Variants in NRXN1 observed in about 807,000 individuals in gnomAD.
The protein encoded by NRXN1 is neurexin 1.
NRXN1 carries 39 observed loss-of-function variants against 150.9 expected under a neutral mutation model. The ratio of observed to expected loss-of-function variants is 0.26; its 90% CI spans 0.20 to 0.34. The LOEUF (loss-of-function observed/expected upper bound fraction) is 0.34, where lower values mean the gene tolerates loss of function less well. Among genes scored for constraint, NRXN1 ranks in the 10% least tolerant of loss-of-function variants. The probability of loss-of-function intolerance (pLI) is 1.00; values close to 1 mark genes in which losing one functional copy is unlikely to be tolerated. For missense variants in NRXN1, 1,815 were observed against 1,949.9 expected, an observed-to-expected ratio of 0.93 and a Z score of 1.30; for synonymous variants, 924 against 757.0, an observed-to-expected ratio of 1.22 and a Z score of -3.62.
intron 22 of NRXN1, among the ~76,000 whole-genome samples, chr2:49,935,553 G>A (rs888294546): frequency 1.3e-5 from 2 of 152,122 alleles, no homozygotes; most frequent in Admixed American, 6.5e-5. Flanking sequence ...TGATCTAATC[G>A]ACAAGTTACT....
At chr2:50,911,957 T>C (rs1417328347) in intron 5 of NRXN1, among the ~76,000 whole-genome samples, 1 of 151,538 alleles carries the variant, frequency 6.6e-6, no homozygotes, top group Non-Finnish European at 1.5e-5. Flanking sequence ...AATAACTACA[T>C]TTTTTTTCAG....
At chr2:50,275,570 T>G (rs1482421526) in intron 17 of NRXN1, among the ~76,000 whole-genome samples, 1 of 152,122 alleles carries the variant, frequency 6.6e-6, no homozygotes, top group East Asian at 1.9e-4. Flanking sequence ...TTGTTGCCCC[T>G]TGACTTTTAT....
chr2:50,354,515 G>T (rs915066501), intron 17 of NRXN1, among the ~76,000 whole-genome samples: 2 of 140,632 alleles, frequency 1.4e-5, no homozygotes, highest in Non-Finnish European at 3.0e-5. Flanking sequence ...ATATGTGTGT[G>T]TATCTATATA....
intron 5 of NRXN1, among the ~76,000 whole-genome samples, chr2:50,653,821 G>T (rs566765303): frequency 2.6e-5 from 4 of 151,738 alleles, no homozygotes; most frequent in African/African-American, 9.7e-5. Flanking sequence ...ACTAAGCTGC[G>T]GTCATTTCCT....
chr2:50,340,038 G>C (rs956217541), intron 17 of NRXN1, among the ~76,000 whole-genome samples: 1 of 152,130 alleles, frequency 6.6e-6, no homozygotes, highest in African/African-American at 2.4e-5. Context: ...TATTGTCATG[G>C]AAAAGCAAAT....
intron 17 of NRXN1, among the ~76,000 whole-genome samples, chr2:50,245,609 T>C (rs558623603): frequency 2.1e-4 from 32 of 152,002 alleles, no homozygotes; most frequent in African/African-American, 6.7e-4. Flanking sequence ...TTAAAATTAT[T>C]AGCTGGTCGG....
At chr2:49,948,876 A>G (rs543363643) in intron 21 of NRXN1, among the ~76,000 whole-genome samples, 1 of 152,004 alleles carries the variant, frequency 6.6e-6, no homozygotes, top group East Asian at 1.9e-4. Context: ...GCTTTACATA[A>G]CAGTCCATTT....
At chr2:50,502,684 G>A (rs1042225776) in intron 13 of NRXN1, among the ~76,000 whole-genome samples, 3 of 152,098 alleles carry the variant, frequency 2.0e-5, no homozygotes, top group African/African-American at 7.2e-5. Flanking sequence ...GAAAAATAAC[G>A]AAACAATGTT....
At chr2:50,784,895 C>T (rs146084748) in intron 5 of NRXN1, among the ~76,000 whole-genome samples, 385 of 152,180 alleles carry the variant, frequency 2.5e-3, no homozygotes, top group African/African-American at 8.9e-3. Flanking sequence ...AAGGGATATC[C>T]ATGTGAGGGT....
intron 5 of NRXN1, among the ~76,000 whole-genome samples, chr2:50,751,201 C>T (rs1700557788): frequency 6.6e-6 from 1 of 151,918 alleles, no homozygotes; most frequent in Admixed American, 6.6e-5. Flanking sequence ...TATTTCATCA[C>T]ATTTATAGAA....
intron 15 of NRXN1, among the ~76,000 whole-genome samples, chr2:50,481,174 C>G (rs142945115): frequency 6.6e-6 from 1 of 152,330 alleles, no homozygotes; most frequent in African/African-American, 2.4e-5. Flanking sequence ...CAGACTGACA[C>G]GCACATGTAC....
intron 2 of NRXN1, among the ~76,000 whole-genome samples, chr2:50,986,160 C>G (rs1697668594): frequency 6.6e-6 from 1 of 151,692 alleles, no homozygotes; most frequent in Admixed American, 6.6e-5. Context: ...ATAATTCTCT[C>G]TCCATGAGAC....
intron 2 of NRXN1, among the ~76,000 whole-genome samples, chr2:50,966,287 A>G (rs1694057703): frequency 1.3e-5 from 2 of 151,464 alleles, no homozygotes; most frequent in East Asian, 1.9e-4. Context: ...AGAGCTGCCC[A>G]TAAGTCAATT....
At chr2:49,962,266 G>C (rs1443147879) in intron 21 of NRXN1, among the ~76,000 whole-genome samples, 1 of 152,134 alleles carries the variant, frequency 6.6e-6, no homozygotes, top group Non-Finnish European at 1.5e-5. Flanking sequence ...TTATCTCTAT[G>C]ATACAGACAC....
chr2:50,900,319 A>G (rs1359108298), intron 5 of NRXN1, among the ~76,000 whole-genome samples: 4 of 152,002 alleles, frequency 2.6e-5, no homozygotes, highest in African/African-American at 7.2e-5. Context: ...TTACACTTCA[A>G]CTCTCCAGTG....
intron 5 of NRXN1, among the ~76,000 whole-genome samples, chr2:50,794,684 C>T (rs367938557): frequency 2.7e-4 from 41 of 152,216 alleles, no homozygotes; most frequent in African/African-American, 9.4e-4. Context: ...ATCTCATCTA[C>T]CTCAGTGTAT....
At position 50,253,662 on chromosome 2, in the gene NRXN1, G is replaced by C. The variant is rs578118647; in HGVS notation, c.3365-16692C>G. 2.9e-4 allele frequency among the ~76,000 whole-genome samples: 44 copies of C among 152,218 alleles called. No individual in the cohort carries two copies. In the South Asian group the frequency reaches 8.3e-3, roughly 29 times the overall value. On this transcript the variant is annotated intron_variant, in intron 17 of 22. Transcript: ENST00000401669. The stretch of plus-strand genomic sequence containing the variant: ...ATCAAAAGCTTTTTCTGCGTCTATT[G>C]AGATAATCACATAGTTTTTGTCTTT...
At chr2:50,692,105 T>A (rs1692170882) in intron 5 of NRXN1, among the ~76,000 whole-genome samples, 1 of 150,862 alleles carries the variant, frequency 6.6e-6, no homozygotes, top group Non-Finnish European at 1.5e-5. Context: ...TAATCCTTGC[T>A]AATTTCCCCT....
At chr2:50,013,847 A>G (rs1319570639) in intron 21 of NRXN1, among the ~76,000 whole-genome samples, 1 of 152,158 alleles carries the variant, frequency 6.6e-6, no homozygotes. Flanking sequence ...ACCTACATGA[A>G]AGAGAAATTA....
Sources: allele counts gnomAD v4.1 joint callset (sites outside exome capture counted in the v4.1 genomes callset), GRCh38; gene constraint gnomAD v4.1.1; transcripts MANE v1.5; gene names NCBI Gene and HGNC (gene_info 2026-07-23, HGNC 2026-07-21).